Variants in GALNT17 observed in about 807,000 individuals in gnomAD.
The protein encoded by GALNT17 is UDP-GalNAc:polypeptide N-acetylgalactosaminyltransferase-like 3.
A neutral mutation model predicts 63.7 loss-of-function variants in GALNT17; 29 were observed. That is an observed-to-expected ratio of 0.46 (90% CI 0.34 to 0.62). GALNT17 has a LOEUF of 0.62. GALNT17 is among the 20% of genes least tolerant of loss of function. The probability of loss-of-function intolerance (pLI) is 0.01; values close to 1 mark genes in which losing one functional copy is unlikely to be tolerated. For synonymous variants in GALNT17, 305 were observed against 318.3 expected, an observed-to-expected ratio of 0.96 and a Z score of 0.45; for missense variants, 603 against 799.6, an observed-to-expected ratio of 0.75 and a Z score of 2.97.
At chr7:71,136,856 A>G (rs1787792753) in intron 1 of GALNT17, among the ~76,000 whole-genome samples, 1 of 150,910 alleles carries the variant, frequency 6.6e-6, no homozygotes, top group South Asian at 2.1e-4. Flanking sequence ...ATGCAATTAT[A>G]GCTCATTGCA....
chr7:71,460,322 T>G (rs1787431298), intron 5 of GALNT17, among the ~76,000 whole-genome samples: 1 of 152,204 alleles, frequency 6.6e-6, no homozygotes, highest in South Asian at 2.1e-4. Flanking sequence ...GTGAGATTCT[T>G]ATTACCTAAA....
intron 1 of GALNT17, among the ~76,000 whole-genome samples, chr7:71,157,126 A>G (rs1376484188): frequency 6.6e-6 from 1 of 151,520 alleles, no homozygotes; most frequent in African/African-American, 2.4e-5. Context: ...ATGGTTCAAC[A>G]CCCTTGTTTT....
chr7:71,206,560 A>C (rs1789275523), intron 1 of GALNT17, among the ~76,000 whole-genome samples: 1 of 152,206 alleles, frequency 6.6e-6, no homozygotes, highest in African/African-American at 2.4e-5. Context: ...GATTTCCTCA[A>C]GGTAGTGATG....
intron 2 of GALNT17, among the ~76,000 whole-genome samples, chr7:71,352,455 G>T (rs1215448082): frequency 1.3e-5 from 2 of 152,326 alleles, no homozygotes; most frequent in African/African-American, 4.8e-5. Context: ...CAACATATGG[G>T]TGCACGGTAG....
intron 5 of GALNT17, among the ~76,000 whole-genome samples, chr7:71,562,678 A>G (rs1001758346): frequency 6.6e-6 from 1 of 152,206 alleles, no homozygotes; most frequent in African/African-American, 2.4e-5. Context: ...GTCAGTACAG[A>G]TGAAGCTTTA....
intron 1 of GALNT17, among the ~76,000 whole-genome samples, chr7:71,257,108 G>A (rs879389024): frequency 6.6e-5 from 10 of 152,120 alleles, no homozygotes; most frequent in East Asian, 1.9e-4. Context: ...TATATAGCTC[G>A]TAGTTTGTAA....
At chr7:71,385,488 C>A (rs1277539314) in intron 2 of GALNT17, among the ~76,000 whole-genome samples, 4 of 152,188 alleles carry the variant, frequency 2.6e-5, no homozygotes, top group South Asian at 4.1e-4. Flanking sequence ...CCTAGAGTGA[C>A]TGAGGGCAAC....
chr7:71,201,239 T>TATATATATATATATATATATA lies in GALNT17; in HGVS notation c.238+68199_238+68200insATATATATATATATATATATA, dbSNP rs1554338078. Among the ~76,000 whole-genome samples, 229 of 101,552 alleles carry TATATATATATATATATATATA rather than the reference T, an allele frequency of 2.3e-3. 2 individuals are homozygous for TATATATATATATATATATATA. Among genetic ancestry groups the TATATATATATATATATATATA allele is most frequent in the Middle Eastern group, 9.5e-3 (2 of 210 alleles). The allele number at this position is 101,552 out of a possible 152,430, so 66.6% of individuals were successfully genotyped here. ...TTTGTATGGGGGTGTGTGTGTTTAT[T>TATATATATATATATATATATA]TTTATATATATATATATAATTTGTG... On this transcript the variant is annotated intron_variant, in intron 1 of 10. Coordinates refer to ENST00000333538, the MANE Select transcript of GALNT17 (RefSeq NM_022479.3).
At chr7:71,205,124 T>C (rs1397924672) in intron 1 of GALNT17, among the ~76,000 whole-genome samples, 2 of 151,222 alleles carry the variant, frequency 1.3e-5, no homozygotes, top group African/African-American at 2.4e-5. Flanking sequence ...CTAAGAATTT[T>C]ATTTTATTTT....
At chr7:71,672,526 A>G (rs1480942026) in intron 8 of GALNT17, among the ~76,000 whole-genome samples, 1 of 152,204 alleles carries the variant, frequency 6.6e-6, no homozygotes, top group East Asian at 1.9e-4. Flanking sequence ...TAGATGAACA[A>G]ATACCATTAA....
chr7:71,325,327 T>C (rs1791686131), intron 1 of GALNT17, among the ~76,000 whole-genome samples: 1 of 152,166 alleles, frequency 6.6e-6, no homozygotes, highest in South Asian at 2.1e-4. Context: ...AACAAATGCC[T>C]GCCCAGTGGA....
chr7:71,391,526 G>A (rs1327435778), intron 3 of GALNT17, among the ~76,000 whole-genome samples: 2 of 152,098 alleles, frequency 1.3e-5, no homozygotes, highest in Non-Finnish European at 1.5e-5. Context: ...TCTGTCGCCC[G>A]GGCTGGAGTG....
intron 6 of GALNT17, among the ~76,000 whole-genome samples, chr7:71,575,481 C>T (rs1200161227): frequency 6.6e-6 from 1 of 151,734 alleles, no homozygotes; most frequent in Non-Finnish European, 1.5e-5. Context: ...GCTCCGCCCT[C>T]GAGTTCACGC....
rs150787841 is a variant in GALNT17 at position 71,488,996 on chromosome 7, C to T, written c.962+67891C>T. Among the ~76,000 whole-genome samples the T allele has an allele frequency of 2.1e-3, 275 of 131,766 alleles. 9 individuals carry two copies. Among genetic ancestry groups the T allele is most frequent in the Non-Finnish European group, 3.3e-4 (21 of 64,558 alleles). 86.4% of individuals were successfully genotyped at this position (131,766 alleles called of 152,430 possible). A position where few individuals can be genotyped will look rare whatever the true frequency, so the allele number is the denominator to read the frequency against. On this transcript the variant is annotated intron_variant, in intron 5 of 10. Coordinates refer to ENST00000333538, the MANE Select transcript of GALNT17 (RefSeq NM_022479.3). ...GCAGTCTCTGCCTCCCAGATTCAAG[C>T]GATTCTCCTGCCTCAGCCTCCCAAG... is the stretch of plus-strand genomic sequence containing the variant.
At chr7:71,578,645 T>C (rs981961428) in intron 6 of GALNT17, among the ~76,000 whole-genome samples, 6 of 152,244 alleles carry the variant, frequency 3.9e-5, no homozygotes, top group Admixed American at 6.5e-5. Context: ...CCTGGCCTTA[T>C]ATAGAAATTA....
intron 2 of GALNT17, among the ~76,000 whole-genome samples, chr7:71,355,239 T>G (rs1289463884): frequency 6.6e-6 from 1 of 152,312 alleles, no homozygotes; most frequent in Middle Eastern, 3.4e-3. Context: ...TCTTTTGACT[T>G]ACTTTGTTGT....
chr7:71,190,305 C>T (rs539383014), intron 1 of GALNT17, among the ~76,000 whole-genome samples: 17 of 152,250 alleles, frequency 1.1e-4, no homozygotes, highest in East Asian at 1.9e-4. Context: ...ATCATGGTAG[C>T]GGATCCCTCA....
chr7:71,327,801 A>G (rs1205592643), intron 1 of GALNT17, among the ~76,000 whole-genome samples: 3 of 152,188 alleles, frequency 2.0e-5, no homozygotes, highest in Admixed American at 6.5e-5. Flanking sequence ...GGAGTGGTTA[A>G]CAGAATGCAA....
At chr7:71,512,152 G>A (rs1374238683) in intron 5 of GALNT17, among the ~76,000 whole-genome samples, 1 of 151,694 alleles carries the variant, frequency 6.6e-6, no homozygotes, top group Admixed American at 6.6e-5. Context: ...ACAGGTGTGT[G>A]CCACCATGCC....
Sources: gnomAD v4.1 joint callset for allele counts (sites outside exome capture counted in the v4.1 genomes callset) on GRCh38, gnomAD v4.1.1 for gene constraint, MANE v1.5 for transcripts, NCBI Gene and HGNC (gene_info 2026-07-23, HGNC 2026-07-21) for gene names.